HERC4: variants seen among roughly 807,000 people sequenced by gnomAD.
HERC4 encodes the protein probable E3 ubiquitin-protein ligase HERC4.
A neutral mutation model predicts 124.3 loss-of-function variants in HERC4; 28 were observed. The observed-to-expected ratio is 0.23, with a 90% CI of 0.17 to 0.31. The LOEUF is 0.31. Ranked by LOEUF, HERC4 falls within the 10% of genes least tolerant of loss-of-function variation. The pLI is 1.00. For synonymous variants in HERC4, 407 were observed against 421.5 expected, an observed-to-expected ratio of 0.97 and a Z score of 0.42; for missense variants, 713 against 1,229.3, an observed-to-expected ratio of 0.58 and a Z score of 6.28.
At chr10:67,942,997 A>G (rs544929338) in intron 19 of HERC4, among the ~76,000 whole-genome samples, 1 of 152,334 alleles carries the variant, frequency 6.6e-6, no homozygotes, top group African/African-American at 2.4e-5. Context: ...TGCTCATGAA[A>G]TATCTCTCCA....
intron 7 of HERC4, among the ~76,000 whole-genome samples, chr10:68,027,699 G>C (rs2038975408): frequency 6.6e-6 from 1 of 152,112 alleles, no homozygotes; most frequent in African/African-American, 2.4e-5. Context: ...GAGGCGGGTG[G>C]ATCATTTGAG....
intron 9 of HERC4, among the ~76,000 whole-genome samples, chr10:68,012,085 T>C (rs921828803): frequency 1.3e-5 from 2 of 152,202 alleles, no homozygotes; most frequent in Non-Finnish European, 2.9e-5. Context: ...AGCTTCCTTA[T>C]CTCTCTCAGC....
At chr10:67,960,342 T>C (rs570868975) in intron 16 of HERC4, among the ~76,000 whole-genome samples, 2 of 152,328 alleles carry the variant, frequency 1.3e-5, no homozygotes, top group Middle Eastern at 3.4e-3. Flanking sequence ...CCTTGGCTGA[T>C]TTTTGTTCTC....
At chr10:68,029,300 G>A (rs2039068043) in intron 7 of HERC4, among the ~76,000 whole-genome samples, 2 of 152,172 alleles carry the variant, frequency 1.3e-5, no homozygotes, top group Non-Finnish European at 2.9e-5. Context: ...AGACCAGCCT[G>A]GCTAACATGG....
chr10:68,065,710 A>C (rs1246355793), intron 3 of HERC4, among the ~76,000 whole-genome samples: 1 of 152,052 alleles, frequency 6.6e-6, no homozygotes, highest in Non-Finnish European at 1.5e-5. Context: ...AAATACAAAA[A>C]TATGCTGGGC....
chr10:67,960,120 G>A (rs74541537), intron 16 of HERC4, among the ~76,000 whole-genome samples: 1,850 of 152,310 alleles, frequency 0.012, 45 homozygotes, highest in African/African-American at 0.043. Context: ...CAGAAGAGCT[G>A]GGAACTAGAG....
At chr10:68,032,316 C>T (rs1443700323) in intron 7 of HERC4, among the ~76,000 whole-genome samples, 1 of 152,190 alleles carries the variant, frequency 6.6e-6, no homozygotes, top group Non-Finnish European at 1.5e-5. Context: ...ATCACTGTAA[C>T]TGCTTGCACA....
intron 15 of HERC4, among the ~76,000 whole-genome samples, chr10:67,986,964 T>C (rs1329788720): frequency 2.6e-5 from 4 of 152,172 alleles, no homozygotes; most frequent in Non-Finnish European, 5.9e-5. Flanking sequence ...ACATTCATTT[T>C]TCCAGTCTAT....
At chr10:68,017,646 C>G (rs2038349620) in intron 8 of HERC4, among the ~76,000 whole-genome samples, 1 of 152,126 alleles carries the variant, frequency 6.6e-6, no homozygotes, top group Non-Finnish European at 1.5e-5. Context: ...GCCACCACAC[C>G]TAGCTAATTT....
chr10:68,037,173 C>A (rs931080390), intron 5 of HERC4, among the ~76,000 whole-genome samples: 4 of 148,442 alleles, frequency 2.7e-5, no homozygotes, highest in Admixed American at 1.4e-4. Context: ...TGGCTCACTG[C>A]AACTTCCGCC....
chr10:68,034,825 T>A (rs1239404403), intron 5 of HERC4, among the ~76,000 whole-genome samples: 1 of 152,100 alleles, frequency 6.6e-6, no homozygotes. Context: ...CTCTCTCTTT[T>A]TTTTTTTAAC....
chr10:68,020,060 G>A (rs2038516201), intron 8 of HERC4, among the ~76,000 whole-genome samples: 2 of 152,086 alleles, frequency 1.3e-5, no homozygotes, highest in South Asian at 4.2e-4. Context: ...CACATTTATG[G>A]GTGAATTTAG....
chr10:68,072,467 C>G (rs2041620898), intron 3 of HERC4, among the ~76,000 whole-genome samples: 1 of 152,086 alleles, frequency 6.6e-6, no homozygotes, highest in East Asian at 1.9e-4. Context: ...TTTAGGCAAG[C>G]AAGTCAAAGT....
chr10:68,039,491 T>A (rs1305106006), intron 4 of HERC4: 1 of 1,550,632 alleles, frequency 6.4e-7, no homozygotes, highest in Non-Finnish European at 8.7e-7. Flanking sequence ...GGAAGCAGCT[T>A]CAGCAAATCA....
chr10:68,049,169 A>G (rs2040159809), intron 3 of HERC4, among the ~76,000 whole-genome samples: 1 of 152,022 alleles, frequency 6.6e-6, no homozygotes, highest in Non-Finnish European at 1.5e-5. Context: ...ACACGCTGAA[A>G]TATTATGCTC....
chr10:67,938,395 T>A (rs547156245), intron 21 of HERC4, among the ~76,000 whole-genome samples: 20 of 147,986 alleles, frequency 1.4e-4, no homozygotes, highest in Admixed American at 4.7e-4. Context: ...GAGCCGAGAT[T>A]GCACAACTGC....
intron 15 of HERC4, among the ~76,000 whole-genome samples, chr10:67,984,341 G>A (rs2036132540): frequency 6.6e-6 from 1 of 151,364 alleles, no homozygotes; most frequent in Non-Finnish European, 1.5e-5. Context: ...TGTGTCATGT[G>A]CAACAACATG....
chr10:67,988,342 C>A (rs1360768089), intron 15 of HERC4, among the ~76,000 whole-genome samples: 1 of 152,044 alleles, frequency 6.6e-6, no homozygotes, highest in Non-Finnish European at 1.5e-5. Context: ...TTACAGCTAA[C>A]AAAAACCATA....
intron 20 of HERC4, among the ~76,000 whole-genome samples, chr10:67,940,696 C>T (rs1032269459): frequency 6.6e-5 from 10 of 152,120 alleles, no homozygotes; most frequent in Admixed American, 4.6e-4. Flanking sequence ...CCACCTGCCT[C>T]GGTCTCCCAA....
Sources: allele counts gnomAD v4.1 joint callset (sites outside exome capture counted in the v4.1 genomes callset), GRCh38; gene constraint gnomAD v4.1.1; transcripts MANE v1.5; gene names NCBI Gene and HGNC (gene_info 2026-07-23, HGNC 2026-07-21).